Variants in PASD1 observed in about 807,000 individuals in gnomAD.
The protein encoded by PASD1 is PAS domain containing repressor 1.
PASD1 carries 13 observed loss-of-function variants against 58.8 expected under a neutral mutation model. The ratio of observed to expected loss-of-function variants is 0.22; its 90% CI spans 0.14 to 0.35. The LOEUF (loss-of-function observed/expected upper bound fraction) is 0.35. PASD1 is among the 10% of genes least tolerant of loss of function. PASD1 has a pLI of 1.00. For missense variants in PASD1, 734 were observed against 568.3 expected, an observed-to-expected ratio of 1.29 and a Z score of -2.96; for synonymous variants, 236 against 216.7, an observed-to-expected ratio of 1.09 and a Z score of -0.78.
intron 8 of PASD1, among the ~76,000 whole-genome samples, chrX:151,633,428 G>C (rs887882784): frequency 9.0e-6 from 1 of 111,458 alleles, no homozygotes; most frequent in Non-Finnish European, 1.9e-5. Flanking sequence ...TTTCCACGCA[G>C]CTGTATTTGT....
chrX:151,585,719 T>G (rs762427848), intron 1 of PASD1, among the ~76,000 whole-genome samples: 2 of 111,791 alleles, frequency 1.8e-5, no homozygotes, highest in South Asian at 7.6e-4. Context: ...AACCATCATT[T>G]GCAAGAATAG....
chrX:151,578,613 C>T (rs760147375), intron 1 of PASD1, among the ~76,000 whole-genome samples: 31 of 112,617 alleles, frequency 2.8e-4, no homozygotes, highest in African/African-American at 9.7e-4. Flanking sequence ...ACTTTCTCTG[C>T]TGCAGAGACA....
At chrX:151,577,656 C>G (rs938598462) in intron 1 of PASD1, among the ~76,000 whole-genome samples, 3 of 111,755 alleles carry the variant, frequency 2.7e-5, no homozygotes, top group Non-Finnish European at 5.6e-5. Flanking sequence ...TCCCGAGTAG[C>G]TGGGACTACA....
chrX:151,647,935 T>C (rs1569412679), intron 8 of PASD1, among the ~76,000 whole-genome samples: 1 of 111,594 alleles, frequency 9.0e-6, no homozygotes, highest in African/African-American at 3.3e-5. Context: ...TTATAATATT[T>C]ATTATCAGAC....
Position 151,664,367 on chromosome X carries a change from T to C in PASD1, c.1071+19T>C. The C allele has an allele frequency of 1.7e-6, 2 of 1,207,550 alleles. No homozygotes were observed. Among genetic ancestry groups the C allele is most frequent in the Non-Finnish European group, 2.2e-6 (2 of 893,015 alleles). On this transcript the variant is annotated intron_variant, in intron 11 of 15. Coordinates refer to ENST00000370357, the MANE Select transcript of PASD1 (RefSeq NM_173493.3). ...TGCTCAGGTACTCTGAAAGTCTCGC[T>C]TCACTCGCTTCACGTTTGTCTGGAT...
At chrX:151,625,639 G>T in intron 8 of PASD1, 109 bp downstream of exon 8, 1 of 643,221 alleles carries the variant, frequency 1.6e-6, no homozygotes, top group Non-Finnish European at 2.3e-6. Context: ...CCATCAAAAT[G>T]AAAATGAAAA....
intron 1 of PASD1, among the ~76,000 whole-genome samples, chrX:151,580,511 T>TC (rs1556129259): frequency 9.4e-6 from 1 of 105,837 alleles, no homozygotes; most frequent in Non-Finnish European, 1.9e-5. Flanking sequence ...TTTTTTTCTT[T>TC]TTTTTTTTTT....
chrX:151,676,137 G>A lies in PASD1; in HGVS notation c.2316G>A (p.Pro772=), dbSNP rs745696472. ...MPAEQRDSNK[P]C ...CAGAGCAACGTGACTCAAATAAGCC[G>A]TGCTAACAGTACTTTCATGACCAGT... The change falls in exon 16 of 16, where the codon CCG becomes CCA. Residue 772 remains proline (P), a synonymous_variant. Coordinates refer to ENST00000370357, the MANE Select transcript of PASD1 (RefSeq NM_173493.3). 1.1e-5 allele frequency: 13 copies of A among 1,205,196 alleles called. No individual in the cohort carries two copies. Among genetic ancestry groups the A allele is most frequent in the Middle Eastern group, 4.7e-4 (2 of 4,236 alleles).
intron 3 of PASD1, among the ~76,000 whole-genome samples, chrX:151,609,888 G>A (rs147179565): frequency 8.2e-5 from 9 of 109,412 alleles, no homozygotes; most frequent in African/African-American, 2.7e-4. Flanking sequence ...AGAGACTGCC[G>A]TAGAGTTTTC....
chrX:151,620,698 T>G (rs1264433508), intron 4 of PASD1, among the ~76,000 whole-genome samples: 1 of 110,508 alleles, frequency 9.0e-6, no homozygotes. Flanking sequence ...CAGGCAAATA[T>G]GGTAGAGGGA....
At chrX:151,608,011 C>A (rs1375813512) in intron 3 of PASD1, among the ~76,000 whole-genome samples, 1 of 111,207 alleles carries the variant, frequency 9.0e-6, no homozygotes, top group Non-Finnish European at 1.9e-5. Context: ...GTTCATATAT[C>A]CTCTTCCATA....
Position 151,653,868 on chromosome X carries a change from CTCTTTCTTTCTTTCTTTCTTTCTT to C in PASD1, c.717+5216_717+5239del, listed in dbSNP as rs1222060384. On this transcript the variant is annotated intron_variant, in intron 9 of 15. Transcript: ENST00000370357. The stretch of plus-strand genomic sequence containing the variant: ...CTTCCCTCCCTCCCTCCCTCCCTCC[CTCTTTCTTTCTTTCTTTCTTTCTT>C]TCTTTCTTTCTTTCTTTCTTTCTTT... 1.5e-3 allele frequency among the ~76,000 whole-genome samples: 24 copies of C among 16,465 alleles called. 1 individual carries two copies. Among genetic ancestry groups the C allele is most frequent in the African/African-American group, 3.1e-3 (14 of 4,585 alleles). The allele number at this position is 16,465 out of a possible 115,157, so 14.3% of individuals were successfully genotyped here.
chrX:151,600,024 A>G (rs1376736604), intron 1 of PASD1, among the ~76,000 whole-genome samples: 1 of 112,179 alleles, frequency 8.9e-6, no homozygotes, highest in Non-Finnish European at 1.9e-5. Context: ...GCACCTCGGG[A>G]CGCCGAGGCT....
intron 4 of PASD1, among the ~76,000 whole-genome samples, chrX:151,617,845 A>G (rs1193710687): frequency 1.8e-5 from 2 of 111,552 alleles, no homozygotes; most frequent in Admixed American, 9.6e-5. Context: ...TAATTTGCTG[A>G]TGAATAAAAC....
intron 1 of PASD1, among the ~76,000 whole-genome samples, chrX:151,573,050 G>A (rs1463632965): frequency 5.6e-5 from 4 of 71,464 alleles, no homozygotes; most frequent in Admixed American, 1.6e-4. Context: ...GCATGCTGGG[G>A]GTAGAGGTTG....
chrX:151,620,888 C>T, intron 4 of PASD1, 42 bp from the exon 5 acceptor site: 1 of 1,019,692 alleles, frequency 9.8e-7, no homozygotes, highest in Non-Finnish European at 1.4e-6. Context: ...CTCCCTCTTC[C>T]CCTCCTTTTT....
Position 151,600,310 on chromosome X carries a change from C to T in PASD1, c.-27-1217C>T, listed in dbSNP as rs772741195. Among the ~76,000 whole-genome samples the T allele has an allele frequency of 8.4e-4, 82 of 97,879 alleles. 1 individual carries two copies. Among genetic ancestry groups the T allele is most frequent in the African/African-American group, 2.7e-3 (68 of 25,603 alleles). The allele number at this position is 97,879 out of a possible 115,157, so 85.0% of individuals were successfully genotyped here. ...GACCGTGCAAAGAGGGAGACGGGAGCGAGAGAGGGGGAGGGGGAGGGGGAG... is the reference window on the plus strand; with the variant it reads ...GACCGTGCAAAGAGGGAGACGGGAGTGAGAGAGGGGGAGGGGGAGGGGGAG... On this transcript the variant is annotated intron_variant, in intron 1 of 15. Coordinates refer to ENST00000370357, the MANE Select transcript of PASD1 (RefSeq NM_173493.3).
intron 1 of PASD1, among the ~76,000 whole-genome samples, chrX:151,566,857 G>C (rs1678597649): frequency 9.2e-6 from 1 of 108,906 alleles, no homozygotes; most frequent in Non-Finnish European, 1.9e-5. Flanking sequence ...ACCTGAGGTC[G>C]GGAGTTTGAG....
intron 1 of PASD1, among the ~76,000 whole-genome samples, chrX:151,565,739 T>C (rs113460069): frequency 1.5e-3 from 161 of 110,127 alleles, no homozygotes; most frequent in African/African-American, 5.0e-3. Context: ...TTTGTATTTT[T>C]AGTAGAGACG....
Sources: gnomAD v4.1 joint callset for allele counts (sites outside exome capture counted in the v4.1 genomes callset) on GRCh38, gnomAD v4.1.1 for gene constraint, MANE v1.5 for transcripts, NCBI Gene and HGNC (gene_info 2026-07-23, HGNC 2026-07-21) for gene names.